Variants in RUNDC3B observed in about 807,000 individuals in gnomAD.
RUNDC3B encodes the protein RUN domain containing 3B.
A neutral mutation model predicts 58.4 loss-of-function variants in RUNDC3B; 33 were observed. The observed-to-expected ratio is 0.56, with a 90% CI of 0.43 to 0.75. The LOEUF (loss-of-function observed/expected upper bound fraction) is 0.75. RUNDC3B is among the 30% of genes least tolerant of loss of function. RUNDC3B has a pLI of 0.00. For missense variants in RUNDC3B, 501 were observed against 535.7 expected (o/e 0.94, Z 0.64); for synonymous variants, 193 against 195.2 (o/e 0.99, Z 0.10).
At chr7:87,810,353 C>G (rs529050309) in intron 9 of RUNDC3B, among the ~76,000 whole-genome samples, 1 of 152,096 alleles carries the variant, frequency 6.6e-6, no homozygotes, top group Non-Finnish European at 1.5e-5. Flanking sequence ...AAGCAAATAC[C>G]TTATTTAGCA....
chr7:87,745,812 T>A (rs1832609766), intron 6 of RUNDC3B, among the ~76,000 whole-genome samples: 1 of 152,208 alleles, frequency 6.6e-6, no homozygotes, highest in Non-Finnish European at 1.5e-5. Flanking sequence ...AATTCTGCTC[T>A]GATCTTGGTG....
At chr7:87,733,052 T>C (rs1831687497) in intron 4 of RUNDC3B, among the ~76,000 whole-genome samples, 2 of 152,294 alleles carry the variant, frequency 1.3e-5, no homozygotes, top group African/African-American at 4.8e-5. Flanking sequence ...GAAAGGAGTA[T>C]GCCTTAACCC....
intron 6 of RUNDC3B, among the ~76,000 whole-genome samples, chr7:87,767,890 T>A (rs140124727): frequency 2.0e-5 from 3 of 152,124 alleles, no homozygotes; most frequent in Non-Finnish European, 4.4e-5. Context: ...ACTATCTTTA[T>A]CTCTAGGCCA....
intron 2 of RUNDC3B, among the ~76,000 whole-genome samples, chr7:87,688,478 A>C (rs1183522587): frequency 6.6e-6 from 1 of 151,840 alleles, no homozygotes; most frequent in Non-Finnish European, 1.5e-5. Context: ...TCTGTTCATG[A>C]CTTTTGCCTA....
intron 6 of RUNDC3B, among the ~76,000 whole-genome samples, chr7:87,760,662 G>C (rs766012848): frequency 6.6e-6 from 1 of 151,998 alleles, no homozygotes; most frequent in African/African-American, 2.4e-5. Flanking sequence ...TAAAATTCTG[G>C]AAATAAACCC....
intron 1 of RUNDC3B, among the ~76,000 whole-genome samples, chr7:87,642,040 T>C (rs945463877): frequency 1.3e-5 from 2 of 151,928 alleles, no homozygotes; most frequent in Non-Finnish European, 2.9e-5. Context: ...ACGATATGCT[T>C]TTTGCAGGAA....
chr7:87,650,950 A>G lies in RUNDC3B; in HGVS notation c.238+13A>G. The stretch of plus-strand genomic sequence containing the variant: ...CACCGGCTAAAAGGTAAAAGCACTA[A>G]TGTACTATTTATTTTCCCACCAGCT... On this transcript the variant is annotated intron_variant, in intron 2 of 10. Coordinates refer to ENST00000394654, the MANE Select transcript of RUNDC3B (RefSeq NM_001134405.2). The G allele has an allele frequency of 7.0e-7, 1 of 1,428,828 alleles. No homozygotes were observed. Among genetic ancestry groups the G allele is most frequent in the Non-Finnish European group, 9.9e-7 (1 of 1,013,096 alleles). 88.5% of individuals were successfully genotyped at this position (1,428,828 alleles called of 1,614,324 possible). A position where few individuals can be genotyped will look rare whatever the true frequency, so the allele number is the denominator to read the frequency against.
chr7:87,648,420 C>G lies in RUNDC3B; in HGVS notation c.123-2402C>G, dbSNP rs780748614. Among the ~76,000 whole-genome samples the G allele has an allele frequency of 5.9e-5, 9 of 151,918 alleles. No individual in the cohort carries two copies. The East Asian group carries it at 1.7e-3, about 29-fold the overall frequency. On this transcript the variant is annotated intron_variant, in intron 1 of 10. Transcript: ENST00000394654. ...TGAAAATGTCCCAGAGGAAGTGACA[C>G]TGACAGAACACTTCACATTAAAGGG...
chr7:87,641,550 G>T (rs1822454071), intron 1 of RUNDC3B, among the ~76,000 whole-genome samples: 1 of 152,076 alleles, frequency 6.6e-6, no homozygotes, highest in Non-Finnish European at 1.5e-5. Flanking sequence ...CTGATTTGGG[G>T]GCGACAGTAA....
At position 87,808,460 on chromosome 7, in the gene RUNDC3B, C is replaced by T. The variant is rs146271532; in HGVS notation, c.1103+941C>T. ...GTACAAACAATTTCCACCTGCTTTACTCTGTGATGTGTTTTGTCTATCAAA... is the reference window on the plus strand; with the variant it reads ...GTACAAACAATTTCCACCTGCTTTATTCTGTGATGTGTTTTGTCTATCAAA... On this transcript the variant is annotated intron_variant, in intron 9 of 10. Coordinates refer to ENST00000394654, the MANE Select transcript of RUNDC3B (RefSeq NM_001134405.2). Among the ~76,000 whole-genome samples, 752 of 152,212 alleles carry T rather than the reference C, an allele frequency of 4.9e-3. 7 individuals are homozygous for T. The highest frequency in any genetic ancestry group is 0.017 in the African/African-American group (721 of 41,546).
intron 4 of RUNDC3B, among the ~76,000 whole-genome samples, chr7:87,723,903 C>G (rs998662930): frequency 1.3e-5 from 2 of 152,070 alleles, no homozygotes. Flanking sequence ...AACATTTAAT[C>G]GTACACATCA....
At chr7:87,781,081 A>G (rs1336576041) in intron 8 of RUNDC3B, among the ~76,000 whole-genome samples, 1 of 152,192 alleles carries the variant, frequency 6.6e-6, no homozygotes, top group Non-Finnish European at 1.5e-5. Flanking sequence ...TTTGGGCAGT[A>G]TGGTCATTTT....
intron 8 of RUNDC3B, among the ~76,000 whole-genome samples, chr7:87,799,348 C>T (rs73200338): frequency 0.027 from 4,048 of 152,266 alleles, 80 homozygotes; most frequent in Non-Finnish European, 0.039. Context: ...GTAGGCAGTT[C>T]TGTTTTCCTG....
chr7:87,674,249 G>A (rs1826103578), intron 2 of RUNDC3B, among the ~76,000 whole-genome samples: 1 of 152,190 alleles, frequency 6.6e-6, no homozygotes, highest in Non-Finnish European at 1.5e-5. Context: ...CAGGGTACCA[G>A]TGGAAGCGAG....
At chr7:87,750,526 C>T (rs1241999530) in intron 6 of RUNDC3B, among the ~76,000 whole-genome samples, 1 of 152,158 alleles carries the variant, frequency 6.6e-6, no homozygotes, top group Non-Finnish European at 1.5e-5. Flanking sequence ...TTCTCCACAT[C>T]CTCTCCAGCG....
chr7:87,675,998 C>T (rs1232163726), intron 2 of RUNDC3B, among the ~76,000 whole-genome samples: 4 of 152,130 alleles, frequency 2.6e-5, no homozygotes, highest in African/African-American at 9.7e-5. Context: ...TGGAGGATTG[C>T]TTGAGGTCAG....
intron 2 of RUNDC3B, among the ~76,000 whole-genome samples, chr7:87,684,170 A>G (rs1480339396): frequency 2.0e-5 from 3 of 152,222 alleles, no homozygotes; most frequent in African/African-American, 2.4e-5. Flanking sequence ...AGTTTACAAC[A>G]GGGTTTCTCA....
chr7:87,769,550 T>G (rs1480430155), intron 6 of RUNDC3B, among the ~76,000 whole-genome samples: 3 of 152,204 alleles, frequency 2.0e-5, no homozygotes, highest in Non-Finnish European at 4.4e-5. Context: ...ATTTTTATGC[T>G]TCTACTTATT....
At chr7:87,714,855 G>A (rs911962298) in intron 4 of RUNDC3B, among the ~76,000 whole-genome samples, 13 of 152,020 alleles carry the variant, frequency 8.6e-5, no homozygotes, top group African/African-American at 2.9e-4. Context: ...TTCTGGGATA[G>A]GAATCTTGGT....
Sources: allele counts gnomAD v4.1 joint callset (sites outside exome capture counted in the v4.1 genomes callset), GRCh38; gene constraint gnomAD v4.1.1; transcripts MANE v1.5; gene names NCBI Gene and HGNC (gene_info 2026-07-23, HGNC 2026-07-21).